The following PRDM5 variants were observed in gnomAD, a reference collection of about 807,000 sequenced individuals.
PRDM5 encodes the protein PR domain zinc finger protein 5.
Under a neutral mutation model 81.2 loss-of-function variants are expected in PRDM5, and 56 were observed. That is an observed-to-expected ratio of 0.69 (90% CI 0.56 to 0.86). The LOEUF is 0.86. Ranked by LOEUF, PRDM5 falls within the 40% of genes least tolerant of loss-of-function variation. The pLI is 0.00. For synonymous variants in PRDM5, 267 were observed against 256.4 expected (o/e 1.04, Z -0.39); for missense variants, 697 against 770.1 (o/e 0.91, Z 1.12).
intron 1 of PRDM5, among the ~76,000 whole-genome samples, chr4:120,685,617 A>G (rs539820429): frequency 6.6e-6 from 1 of 152,152 alleles, no homozygotes; most frequent in African/African-American, 2.4e-5. Flanking sequence ...TGGAGGAGCT[A>G]AGGCAATACC....
chr4:120,913,288 A>T (rs1051285676), intron 1 of PRDM5, among the ~76,000 whole-genome samples: 4 of 152,252 alleles, frequency 2.6e-5, no homozygotes, highest in Admixed American at 6.5e-5. Context: ...GGGCTGAAGC[A>T]GCCACCTTGA....
intron 8 of PRDM5, among the ~76,000 whole-genome samples, chr4:120,808,069 C>T (rs1393667084): frequency 6.6e-6 from 1 of 152,104 alleles, no homozygotes; most frequent in Non-Finnish European, 1.5e-5. Context: ...GCAGTGTGGA[C>T]CCAAAGAGTG....
chr4:120,697,213 A>G (rs1027421442), intron 15 of PRDM5, among the ~76,000 whole-genome samples: 1 of 152,162 alleles, frequency 6.6e-6, no homozygotes, highest in Admixed American at 6.6e-5. Context: ...ACACTATTTT[A>G]AGAGAGGGAT....
At chr4:120,755,435 G>A (rs1308040609) in intron 13 of PRDM5, among the ~76,000 whole-genome samples, 1 of 152,154 alleles carries the variant, frequency 6.6e-6, no homozygotes, top group African/African-American at 2.4e-5. Flanking sequence ...TACACAGCAG[G>A]ATGCTAGACC....
At chr4:120,739,089 A>G (rs116244473) in intron 14 of PRDM5, among the ~76,000 whole-genome samples, 2,015 of 152,310 alleles carry the variant, frequency 0.013, 44 homozygotes, top group African/African-American at 0.045. Context: ...AGTACACGTT[A>G]GCTATTATGT....
At chr4:120,797,345 G>C (rs1751479486) in intron 10 of PRDM5, among the ~76,000 whole-genome samples, 1 of 152,114 alleles carries the variant, frequency 6.6e-6, no homozygotes, top group African/African-American at 2.4e-5. Context: ...TAGAGTATGA[G>C]AGTGATATAC....
chr4:120,860,291 T>C (rs918347820), intron 2 of PRDM5, among the ~76,000 whole-genome samples: 1 of 152,224 alleles, frequency 6.6e-6, no homozygotes, highest in African/African-American at 2.4e-5. Context: ...TGCCTTTATT[T>C]CCTTTAAATG....
intron 7 of PRDM5, 34 bp downstream of exon 7, chr4:120,816,419 C>A (rs757340709): frequency 1.9e-6 from 3 of 1,614,000 alleles, no homozygotes; most frequent in Non-Finnish European, 2.5e-6. Context: ...GGAAAGGAAG[C>A]CCCTTCGGAA....
chr4:120,717,533 T>G (rs1737967832), intron 14 of PRDM5, among the ~76,000 whole-genome samples: 1 of 152,244 alleles, frequency 6.6e-6, no homozygotes, highest in African/African-American at 2.4e-5. Context: ...CTCAACATCA[T>G]CTGAGAGGGT....
intron 14 of PRDM5, among the ~76,000 whole-genome samples, chr4:120,747,937 A>C (rs1743383916): frequency 6.6e-6 from 1 of 152,244 alleles, no homozygotes; most frequent in Non-Finnish European, 1.5e-5. Flanking sequence ...TGTTGAAATC[A>C]AAAGGGGTTA....
At chr4:120,742,717 A>G (rs1163125027) in intron 14 of PRDM5, among the ~76,000 whole-genome samples, 1 of 152,144 alleles carries the variant, frequency 6.6e-6, no homozygotes, top group African/African-American at 2.4e-5. Flanking sequence ...AGCGAGAAGG[A>G]AAGTTTAGAG....
At chr4:120,834,144 T>C (rs7673521) in intron 3 of PRDM5, among the ~76,000 whole-genome samples, 14,636 of 152,230 alleles carry the variant, frequency 0.096, 908 homozygotes, top group South Asian at 0.2. Context: ...GGCCTATGGA[T>C]TGCACATTTG....
At chr4:120,877,526 C>T (rs948389730) in intron 2 of PRDM5, among the ~76,000 whole-genome samples, 14 of 152,140 alleles carry the variant, frequency 9.2e-5, no homozygotes, top group Admixed American at 3.3e-4. Context: ...TAAACGGGGC[C>T]GGGTGCGGTG....
chr4:120,778,739 C>T (rs1748563327), intron 12 of PRDM5, among the ~76,000 whole-genome samples: 1 of 152,068 alleles, frequency 6.6e-6, no homozygotes, highest in Non-Finnish European at 1.5e-5. Flanking sequence ...ACAAGCATCT[C>T]CTGGATTTTG....
At chr4:120,736,620 C>G (rs1307739774) in intron 14 of PRDM5, among the ~76,000 whole-genome samples, 2 of 152,160 alleles carry the variant, frequency 1.3e-5, no homozygotes, top group Admixed American at 1.3e-4. Flanking sequence ...TTTTTTAGTA[C>G]ACCTTCTATT....
chr4:120,899,695 G>A (rs565215162), intron 2 of PRDM5, among the ~76,000 whole-genome samples: 1 of 152,274 alleles, frequency 6.6e-6, no homozygotes, highest in Middle Eastern at 3.4e-3. Context: ...TACCACACCA[G>A]CTGGGTGTCC....
intron 12 of PRDM5, among the ~76,000 whole-genome samples, chr4:120,780,349 C>T (rs2149236889): frequency 6.6e-6 from 1 of 152,016 alleles, no homozygotes; most frequent in East Asian, 1.9e-4. Context: ...GAGGTTTCAA[C>T]AGGAGGATCA....
At chr4:120,752,891 T>A (rs1414373353) in intron 14 of PRDM5, among the ~76,000 whole-genome samples, 2 of 152,210 alleles carry the variant, frequency 1.3e-5, no homozygotes, top group African/African-American at 2.4e-5. Context: ...TAATTAGTGA[T>A]TTTTGTGTTT....
chr4:120,823,446 C>T (rs185333311), intron 3 of PRDM5, among the ~76,000 whole-genome samples: 35 of 152,290 alleles, frequency 2.3e-4, no homozygotes, highest in Admixed American at 2.1e-3. Flanking sequence ...AATATAGTTA[C>T]AGGTATTACT....
Sources: allele counts gnomAD v4.1 joint callset (sites outside exome capture counted in the v4.1 genomes callset), GRCh38; gene constraint gnomAD v4.1.1; transcripts MANE v1.5; gene names NCBI Gene and HGNC (gene_info 2026-07-23, HGNC 2026-07-21).